Variants in AMN1 observed in about 807,000 individuals in gnomAD.
AMN1 encodes the protein antagonist of mitotic exit network 1 homolog.
In AMN1, 20 loss-of-function variants were observed where a neutral mutation model predicts 33.0. The observed-to-expected ratio is 0.61, with a 90% confidence interval of 0.43 to 0.88. AMN1 has a LOEUF of 0.88. Ranked by LOEUF, AMN1 falls within the 40% of genes least tolerant of loss-of-function variation. The pLI is 0.00. For missense variants in AMN1, 246 were observed against 307.4 expected (o/e 0.80, Z 1.49); for synonymous variants, 114 against 111.9 (o/e 1.02, Z -0.12).
chr12:31,695,929 A>C (rs964694231), intron 5 of AMN1, among the ~76,000 whole-genome samples: 1 of 152,188 alleles, frequency 6.6e-6, no homozygotes, highest in African/African-American at 2.4e-5. Flanking sequence ...TCATTCCATT[A>C]CAATAGTTGG....
intron 4 of AMN1, 123 bp from the exon 5 acceptor site, chr12:31,697,540 C>T: frequency 9.4e-7 from 1 of 1,067,696 alleles, no homozygotes; most frequent in Non-Finnish European, 1.4e-6. Context: ...TGTGTTTTAG[C>T]CATATATACC....
At chr12:31,698,569 T>G (rs1938839877) in intron 3 of AMN1, among the ~76,000 whole-genome samples, 1 of 152,142 alleles carries the variant, frequency 6.6e-6, no homozygotes, top group African/African-American at 2.4e-5. Context: ...AAGTGCCCAT[T>G]GGAGATGGGT....
Position 31,687,365 on chromosome 12 carries a change from A to T in AMN1, c.703+1642T>A, listed in dbSNP as rs1402249558. Reference sequence around the variant, plus strand: ...AAATAAAAGAGAAGTTGTCAAAGGGACTTCCAGGATAATAGCTTAACCTAC... The same window carrying T: ...AAATAAAAGAGAAGTTGTCAAAGGGTCTTCCAGGATAATAGCTTAACCTAC... On this transcript the variant is annotated intron_variant, in intron 6 of 6. Transcript: ENST00000281471. The surrounding 1 kb of genome is among the most constrained non-coding windows in gnomAD (Gnocchi z 4.1). Among the ~76,000 whole-genome samples the T allele has an allele frequency of 6.6e-6, 1 of 152,214 alleles. No homozygotes were observed. Among genetic ancestry groups the T allele is most frequent in the African/African-American group, 2.4e-5 (1 of 41,462 alleles).
intron 3 of AMN1, among the ~76,000 whole-genome samples, chr12:31,699,592 CT>C (rs1022489409): frequency 6.6e-6 from 1 of 152,056 alleles, no homozygotes; most frequent in Admixed American, 6.6e-5. Flanking sequence ...CCTATGTACT[CT>C]TCATCTTGCT....
chr12:31,729,105 T>A, upstream of AMN1: 1 of 1,341,158 alleles, frequency 7.5e-7, no homozygotes, highest in South Asian at 1.4e-5. Context: ...ACGCGTAGGT[T>A]TTTGTGACGT....
chr12:31,704,097 T>C (rs1054348583), intron 2 of AMN1, among the ~76,000 whole-genome samples: 1 of 152,216 alleles, frequency 6.6e-6, no homozygotes, highest in Non-Finnish European at 1.5e-5. Context: ...AGGAAGTAAA[T>C]TGTTGAATTA....
chr12:31,713,224 A>G (rs960159742), intron 1 of AMN1, among the ~76,000 whole-genome samples: 1 of 152,246 alleles, frequency 6.6e-6, no homozygotes, highest in East Asian at 1.9e-4. Context: ...TGTTATATAT[A>G]TATGTATGTA....
At chr12:31,713,657 A>G (rs1939556329) in intron 1 of AMN1, among the ~76,000 whole-genome samples, 2 of 152,168 alleles carry the variant, frequency 1.3e-5, no homozygotes, top group African/African-American at 4.8e-5. Flanking sequence ...CCTGGGAAAC[A>G]TGGCAAAACC....
intron 4 of AMN1, 111 bp downstream of exon 4, chr12:31,697,629 C>A: frequency 8.2e-7 from 1 of 1,219,810 alleles, no homozygotes; most frequent in South Asian, 1.3e-5. Context: ...ATGAAGTGGT[C>A]AATAGTTTCA....
intron 6 of AMN1, among the ~76,000 whole-genome samples, chr12:31,688,080 G>A (rs1475573722): frequency 1.3e-5 from 2 of 152,064 alleles, no homozygotes; most frequent in Admixed American, 6.6e-5. Context: ...TCAATCTCCC[G>A]AGTAGCTGGG....
At chr12:31,727,169 C>T (rs1940108694) in intron 1 of AMN1, among the ~76,000 whole-genome samples, 1 of 152,154 alleles carries the variant, frequency 6.6e-6, no homozygotes, top group African/African-American at 2.4e-5. Context: ...CTTTGCTTTT[C>T]TAACAGCTGC....
At chr12:31,700,837 G>A (rs915308393) in intron 3 of AMN1, among the ~76,000 whole-genome samples, 1 of 150,820 alleles carries the variant, frequency 6.6e-6, no homozygotes, top group South Asian at 2.1e-4. Flanking sequence ...CTACAGGCAC[G>A]TGTCACCATG....
chr12:31,697,677 T>C (rs1298528795), intron 4 of AMN1, 63 bp downstream of exon 4: 4 of 1,506,092 alleles, frequency 2.7e-6, no homozygotes, highest in Non-Finnish European at 3.7e-6. Context: ...ATGTTCTCAT[T>C]AGTCATGAAA....
At chr12:31,707,725 G>C (rs73303864) in intron 2 of AMN1, among the ~76,000 whole-genome samples, 3 of 152,014 alleles carry the variant, frequency 2.0e-5, no homozygotes, top group Admixed American at 1.3e-4. Context: ...AAACCTTTTT[G>C]CTTGGATTTT....
chr12:31,672,322 C>G lies in AMN1; in HGVS notation c.759G>C (p.Val253=). ...AAAAGCATCAATAAACAGTCCATGT[C>G]ACTTGCTTTAGTTTGTTTGGGCCTA... ...QLVGPNKLKQ[V]TWTVY The change falls in exon 7 of 7, where the codon GTG becomes GTC. Residue 253 remains valine (V), a synonymous_variant. Coordinates refer to ENST00000281471, the MANE Select transcript of AMN1 (RefSeq NM_001113402.2). The G allele has an allele frequency of 6.3e-7, 1 of 1,577,412 alleles. No homozygotes were observed. The highest frequency in any genetic ancestry group is 1.2e-5 in the South Asian group (1 of 86,194).
intron 1 of AMN1, among the ~76,000 whole-genome samples, chr12:31,720,204 T>C (rs1264723300): frequency 1.3e-5 from 2 of 152,240 alleles, no homozygotes; most frequent in African/African-American, 2.4e-5. Flanking sequence ...TATCTAGTTC[T>C]AAAACATTTT....
chr12:31,712,815 T>A (rs1016651303), intron 1 of AMN1, among the ~76,000 whole-genome samples: 1 of 151,698 alleles, frequency 6.6e-6, no homozygotes, highest in Non-Finnish European at 1.5e-5. Flanking sequence ...GCCACCACAC[T>A]CAGCTAATTT....
intron 5 of AMN1, among the ~76,000 whole-genome samples, chr12:31,690,878 G>A (rs1162452862): frequency 2.0e-5 from 3 of 152,206 alleles, no homozygotes; most frequent in African/African-American, 7.2e-5. Flanking sequence ...GCTCATGCCT[G>A]TAATCCCAGC....
intron 3 of AMN1, 44 bp downstream of exon 3, chr12:31,701,819 A>G (rs1939015855): frequency 2.0e-6 from 3 of 1,501,330 alleles, no homozygotes; most frequent in Non-Finnish European, 2.7e-6. Context: ...TTTACCAGAT[A>G]GTGAATAGTA....
Sources: allele counts gnomAD v4.1 joint callset (sites outside exome capture counted in the v4.1 genomes callset), GRCh38; gene constraint gnomAD v4.1.1; non-coding constraint Gnocchi (gnomAD v3.1); transcripts MANE v1.5; gene names NCBI Gene and HGNC (gene_info 2026-07-23, HGNC 2026-07-21).